Variants in EGLN3 observed in about 807,000 individuals in gnomAD.
The protein encoded by EGLN3 is egl-9 family hypoxia inducible factor 3, also known as prolyl hydroxylase EGLN3.
In EGLN3, 15 loss-of-function variants were observed where a neutral mutation model predicts 26.0. The observed-to-expected ratio is 0.58, with a 90% CI of 0.39 to 0.89. The LOEUF (loss-of-function observed/expected upper bound fraction) is 0.89. Among genes scored for constraint, EGLN3 ranks in the 40% least tolerant of loss-of-function variants. EGLN3 has a pLI of 0.00. For missense variants in EGLN3, 238 were observed against 311.6 expected (o/e 0.76, Z 1.78); for synonymous variants, 147 against 127.2 (o/e 1.16, Z -1.05).
rs189651931 is a variant in EGLN3 at position 33,939,368 on chromosome 14, G to T, written c.358-8153C>A. Among the ~76,000 whole-genome samples the T allele has an allele frequency of 9.3e-4, 142 of 152,110 alleles. 1 individual carries two copies. Among genetic ancestry groups the T allele is most frequent in the Middle Eastern group, 3.4e-3 (1 of 294 alleles). ...TGGGACTACAGGCGCCCGCCACCAC[G>T]CCCGGCTAATTTTTTGTGTTTTTAG... On this transcript the variant is annotated intron_variant, in intron 1 of 4. Transcript: ENST00000250457.
chr14:33,924,228 G>C lies in EGLN3; in HGVS notation c.*1663C>G, dbSNP rs1320194287. 1 of 152,216 alleles carries C rather than the reference G, an allele frequency of 6.6e-6. No individual in the cohort carries two copies. The highest frequency in any genetic ancestry group is 2.4e-5 in the African/African-American group (1 of 41,462). 9.4% of individuals were successfully genotyped at this position (152,216 alleles called of 1,614,324 possible). ...TTAATCAAACCATTAGAATGCTAAT[G>C]TAGGAGACTGAGTTTATTCAACAAG... On this transcript the variant is annotated 3_prime_UTR_variant, in exon 5 of 5. Transcript: ENST00000250457.
chr14:33,933,307 AAAT>A lies in EGLN3; in HGVS notation c.358-2095_358-2093del, dbSNP rs551062467. On this transcript the variant is annotated intron_variant, in intron 1 of 4. Transcript: ENST00000250457. ...CTGCCTCAGAACTCAGCTCAGATTA[AAAT>A]ATTGAAAAAAAAAAAAAAGATGGAT... is the stretch of plus-strand genomic sequence containing the variant. 7.7e-4 allele frequency among the ~76,000 whole-genome samples: 48 copies of A among 61,956 alleles called. No homozygotes were observed. In the East Asian group the frequency reaches 0.02, roughly 25 times the overall value. The allele number at this position is 61,956 out of a possible 152,430, so 40.6% of individuals were successfully genotyped here.
intron 1 of EGLN3, 141 bp from the exon 2 acceptor site, chr14:33,931,356 T>C (rs931488433): frequency 2.3e-6 from 3 of 1,289,542 alleles, no homozygotes; most frequent in Admixed American, 4.7e-5. Context: ...TAATTTCATG[T>C]ATGGTACATA....
intron 2 of EGLN3, 27 bp downstream of exon 2, chr14:33,931,069 C>A (rs747287486): frequency 6.2e-7 from 1 of 1,613,338 alleles, no homozygotes; most frequent in Non-Finnish European, 8.5e-7. Context: ...TCTAACCCCA[C>A]ACTCTACTCC....
rs1420222131 is a variant in EGLN3 at position 33,924,992 on chromosome 14, T to C, written c.*899A>G. 1 of 137,616 alleles carries C rather than the reference T, an allele frequency of 7.3e-6. No homozygotes were observed. The highest frequency in any genetic ancestry group is 7.5e-5 in the Admixed American group (1 of 13,304). 8.5% of individuals were successfully genotyped at this position (137,616 alleles called of 1,614,324 possible). On this transcript the variant is annotated 3_prime_UTR_variant, in exon 5 of 5. Coordinates refer to ENST00000250457, the MANE Select transcript of EGLN3 (RefSeq NM_022073.4). ...GAACACCCACATTTCCAACTCCACCTCCCCTCTCAAATTGTTCAAGATGCA... is the reference window on the plus strand; with the variant it reads ...GAACACCCACATTTCCAACTCCACCCCCCCTCTCAAATTGTTCAAGATGCA...
intron 1 of EGLN3, among the ~76,000 whole-genome samples, chr14:33,942,884 A>T (rs1043746188): frequency 4.6e-5 from 7 of 152,208 alleles, no homozygotes; most frequent in African/African-American, 1.7e-4. Context: ...TTTAATAAGG[A>T]GGTATTGACA....
intron 1 of EGLN3, among the ~76,000 whole-genome samples, chr14:33,934,978 C>A (rs1937339415): frequency 6.6e-6 from 1 of 152,214 alleles, no homozygotes; most frequent in South Asian, 2.1e-4. Flanking sequence ...GTATTCTGAT[C>A]TACCGACAAA....
intron 1 of EGLN3, among the ~76,000 whole-genome samples, chr14:33,931,969 A>G (rs1484647663): frequency 6.6e-6 from 1 of 152,234 alleles, no homozygotes; most frequent in East Asian, 1.9e-4. Context: ...CAAAAATCCT[A>G]CTGAAAATTA....
At chr14:33,928,954 T>G in intron 3 of EGLN3, 122 bp downstream of exon 3, 1 of 1,225,252 alleles carries the variant, frequency 8.2e-7, no homozygotes, top group Non-Finnish European at 1.1e-6. Flanking sequence ...CCAAACAAGT[T>G]TGCTATCAGC....
At position 33,929,064 on chromosome 14, in the gene EGLN3, T is replaced by G. The variant is rs748323730; in HGVS notation, c.614+12A>C. On this transcript the variant is annotated intron_variant, in intron 3 of 4. Coordinates refer to ENST00000250457, the MANE Select transcript of EGLN3 (RefSeq NM_022073.4). ...CAAGCTCCGGAAGAGGAATCATGGC[T>G]CCGGCTATTACCTGGTTGCGTAAGA... The G allele has an allele frequency of 6.2e-7, 1 of 1,612,596 alleles. No homozygotes were observed. Among genetic ancestry groups the G allele is most frequent in the Non-Finnish European group, 8.5e-7 (1 of 1,179,680 alleles).
chr14:33,931,116 T>A lies in EGLN3; in HGVS notation c.457A>T (p.Asn153Tyr). The change falls in exon 2 of 5, where the codon AAC (asparagine) becomes TAC (tyrosine). Residue 153 changes from asparagine (N) to tyrosine (Y), a missense_variant. By Grantham distance (143) the Asn-to-Tyr change is moderately radical. Transcript: ENST00000250457. ...AGTACCTTGGCATCCCAATTCTTGT[T>A]CAGATAGTAGATGCAGGTGATGCAG... ...GRCITCIYYLNKNWDAKLHGG... is the reference protein window; with the variant it reads ...GRCITCIYYLYKNWDAKLHGG... 1 of 1,614,210 alleles carries A rather than the reference T, an allele frequency of 6.2e-7. No homozygotes were observed. Among genetic ancestry groups the A allele is most frequent in the Middle Eastern group, 1.6e-4 (1 of 6,062 alleles).
intron 1 of EGLN3, among the ~76,000 whole-genome samples, chr14:33,946,103 G>A (rs368622904): frequency 8.1e-4 from 123 of 152,222 alleles, no homozygotes; most frequent in South Asian, 6.2e-3. Context: ...AGCCGGGCGC[G>A]GTGGCTCACA....
At chr14:33,929,617 G>A (rs1188946396) in intron 2 of EGLN3, among the ~76,000 whole-genome samples, 1 of 152,156 alleles carries the variant, frequency 6.6e-6, no homozygotes, top group Admixed American at 6.5e-5. Flanking sequence ...CTCCTGAAGT[G>A]CTGGGATTAT....
chr14:33,930,710 A>G (rs1236283207), intron 2 of EGLN3, among the ~76,000 whole-genome samples: 1 of 152,158 alleles, frequency 6.6e-6, no homozygotes, highest in African/African-American at 2.4e-5. Flanking sequence ...CTACAGTTCT[A>G]TTTTTGTGGA....
At chr14:33,939,840 T>C (rs978037812) in intron 1 of EGLN3, among the ~76,000 whole-genome samples, 21 of 152,268 alleles carry the variant, frequency 1.4e-4, no homozygotes, top group Admixed American at 1.1e-3. Context: ...CTGAAGAGTG[T>C]GAGGTCTTAA....
rs866757700 is a variant in EGLN3 at position 33,925,870 on chromosome 14, C to T, written c.*21G>A. ...GGAACCGTTACTAAAATGAACAAGG[C>T]CAGCAGATTTCAGAGCACGGTCAGT... On this transcript the variant is annotated 3_prime_UTR_variant, in exon 5 of 5. Coordinates refer to ENST00000250457, the MANE Select transcript of EGLN3 (RefSeq NM_022073.4). The T allele has an allele frequency of 6.2e-7, 1 of 1,613,856 alleles. No individual in the cohort carries two copies. The highest frequency in any genetic ancestry group is 1.1e-5 in the South Asian group (1 of 91,066).
intron 1 of EGLN3, chr14:33,950,152 A>G: frequency 1.7e-6 from 1 of 595,406 alleles, no homozygotes. Flanking sequence ...CACCCACAAG[A>G]GCCAATATTT....
In EGLN3 at chr14:33,925,550, T is replaced by C. The variant is rs2064355943; in HGVS notation, c.*341A>G. 4.7e-6 allele frequency: 1 copy of C among 212,172 alleles called. No individual in the cohort carries two copies. The highest frequency in any genetic ancestry group is 1.2e-4 in the South Asian group (1 of 8,010). The allele number at this position is 212,172 out of a possible 1,614,324, so 13.1% of individuals were successfully genotyped here. ...AACCTCCTCCTTTCAAATCAGGAAG[T>C]ATACATAAAGTGCAAGTAAGGTTCA... is the stretch of plus-strand genomic sequence containing the variant. On this transcript the variant is annotated 3_prime_UTR_variant, in exon 5 of 5. Coordinates refer to ENST00000250457, the MANE Select transcript of EGLN3 (RefSeq NM_022073.4).
rs35754061 is a variant in EGLN3 at position 33,924,941 on chromosome 14, T to TAAAAAAAAAAAAAAAAAAAA, written c.*930_*949dup. 2.9e-5 allele frequency: 3 copies of TAAAAAAAAAAAAAAAAAAAA among 103,328 alleles called. No homozygotes were observed. The highest frequency in any genetic ancestry group is 5.3e-5 in the Non-Finnish European group (3 of 56,362). 6.4% of individuals were successfully genotyped at this position (103,328 alleles called of 1,614,324 possible). On this transcript the variant is annotated 3_prime_UTR_variant, in exon 5 of 5. Coordinates refer to ENST00000250457, the MANE Select transcript of EGLN3 (RefSeq NM_022073.4). ...GGGTGAGCTCATTAAAAAGGAAAAC[T>TAAAAAAAAAAAAAAAAAAAA]AAAAAAAAAAAAAAAAAAAAAACAG...
Sources: allele counts gnomAD v4.1 joint callset (sites outside exome capture counted in the v4.1 genomes callset), GRCh38; gene constraint gnomAD v4.1.1; transcripts MANE v1.5; gene names NCBI Gene and HGNC (gene_info 2026-07-23, HGNC 2026-07-21).